SYNPR: variants seen among roughly 807,000 people sequenced by gnomAD.
SYNPR encodes the protein synaptoporin.
In SYNPR, 23 loss-of-function variants were observed where a neutral mutation model predicts 32.9. That is an observed-to-expected ratio of 0.70 (90% CI 0.50 to 0.99). The LOEUF (loss-of-function observed/expected upper bound fraction) is 0.99. SYNPR is among the 50% of genes least tolerant of loss of function. The pLI, the probability that SYNPR is intolerant of heterozygous loss-of-function variation, is 0.00. For missense variants in SYNPR, 318 were observed against 349.3 expected (o/e 0.91, Z 0.71); for synonymous variants, 146 against 135.9 (o/e 1.07, Z -0.52).
intron 3 of SYNPR, among the ~76,000 whole-genome samples, chr3:63,524,489 T>C (rs1219287272): frequency 2.0e-5 from 3 of 152,230 alleles, no homozygotes; most frequent in Middle Eastern, 3.4e-3. Flanking sequence ...TTTTAAACAA[T>C]TGGCCACACA....
At chr3:63,200,834 C>T in the SYNPR span, among the ~76,000 whole-genome samples, 1 of 152,108 alleles carries the variant, frequency 6.6e-6, no homozygotes, top group Non-Finnish European at 1.5e-5. Context: ...AAAGATTTAT[C>T]TCTTTTCTGA....
intron 2 of SYNPR, among the ~76,000 whole-genome samples, chr3:63,365,479 G>C (rs1229220763): frequency 6.6e-6 from 1 of 152,106 alleles, no homozygotes; most frequent in African/African-American, 2.4e-5. Context: ...ATAGAGGTTC[G>C]CATAAGAAGT....
intron 2 of SYNPR, among the ~76,000 whole-genome samples, chr3:63,349,264 G>A (rs1286356141): frequency 2.6e-5 from 4 of 152,070 alleles, no homozygotes; most frequent in South Asian, 2.1e-4. Context: ...CACCACGCCC[G>A]GCTAATTTTT....
chr3:63,506,934 A>T (rs911374834), intron 3 of SYNPR, among the ~76,000 whole-genome samples: 2 of 152,174 alleles, frequency 1.3e-5, no homozygotes, highest in Non-Finnish European at 2.9e-5. Flanking sequence ...GTGCCATGCA[A>T]GTAGCATAAA....
At chr3:63,606,796 C>G (rs1700129604) in intron 4 of SYNPR, among the ~76,000 whole-genome samples, 1 of 152,106 alleles carries the variant, frequency 6.6e-6, no homozygotes, top group Non-Finnish European at 1.5e-5. Flanking sequence ...GGCTTAGAAT[C>G]CTTGCTCCTC....
chr3:63,372,107 A>T (rs545531184), intron 2 of SYNPR, among the ~76,000 whole-genome samples: 1 of 152,156 alleles, frequency 6.6e-6, no homozygotes, highest in African/African-American at 2.4e-5. Context: ...GGGATCTTAG[A>T]GTGACCAACA....
At chr3:63,519,891 A>T (rs1384738230) in intron 3 of SYNPR, among the ~76,000 whole-genome samples, 1 of 152,090 alleles carries the variant, frequency 6.6e-6, no homozygotes, top group Non-Finnish European at 1.5e-5. Context: ...AGTATAAATT[A>T]TCATAATTCA....
chr3:63,400,977 A>G (rs1430361656), intron 2 of SYNPR, among the ~76,000 whole-genome samples: 2 of 152,204 alleles, frequency 1.3e-5, no homozygotes, highest in East Asian at 3.9e-4. Context: ...CAAAATTGGC[A>G]CAAAAGCAAC....
chr3:63,523,291 C>G (rs528338353), intron 3 of SYNPR, among the ~76,000 whole-genome samples: 1 of 152,098 alleles, frequency 6.6e-6, no homozygotes, highest in Non-Finnish European at 1.5e-5. Flanking sequence ...CCACCTTGCA[C>G]TATGGTGTGG....
intron 2 of SYNPR, among the ~76,000 whole-genome samples, chr3:63,434,441 T>C (rs1700044330): frequency 6.6e-6 from 1 of 152,216 alleles, no homozygotes; most frequent in Admixed American, 6.5e-5. Flanking sequence ...GAGAGTCTCA[T>C]CAATACACTC....
At chr3:63,317,303 G>GT (rs1216219554) in intron 2 of SYNPR, among the ~76,000 whole-genome samples, 6 of 151,716 alleles carry the variant, frequency 4.0e-5, no homozygotes, top group Non-Finnish European at 7.4e-5. Flanking sequence ...TTTCCATTTT[G>GT]TTGACCTGTC....
At chr3:63,271,573 T>A (rs551465082) in intron 3 of SYNPR, among the ~76,000 whole-genome samples, 1 of 152,248 alleles carries the variant, frequency 6.6e-6, no homozygotes, top group East Asian at 1.9e-4. Flanking sequence ...TATGGTAGAA[T>A]CCATTGATCT....
intron 2 of SYNPR, among the ~76,000 whole-genome samples, chr3:63,323,679 G>A (rs913911627): frequency 1.1e-4 from 16 of 151,944 alleles, no homozygotes; most frequent in Non-Finnish European, 1.9e-4. Context: ...GGTTTATAGG[G>A]TGGTTCTAGA....
chr3:63,464,515 A>C (rs1010770641), intron 2 of SYNPR, among the ~76,000 whole-genome samples: 2 of 152,128 alleles, frequency 1.3e-5, no homozygotes, highest in African/African-American at 4.8e-5. Flanking sequence ...CTTTACTAAG[A>C]ATAAGATCCT....
chr3:63,614,533 T>G (rs962582931), intron 5 of SYNPR, among the ~76,000 whole-genome samples: 1 of 152,232 alleles, frequency 6.6e-6, no homozygotes, highest in Non-Finnish European at 1.5e-5. Flanking sequence ...ATTCACAGTC[T>G]GGTTTCAACA....
intron 4 of SYNPR, among the ~76,000 whole-genome samples, chr3:63,572,815 T>C (rs1702912421): frequency 6.6e-6 from 1 of 152,158 alleles, no homozygotes; most frequent in African/African-American, 2.4e-5. Flanking sequence ...TTATGCATAT[T>C]CACTTTATGA....
rs557497368 is a variant in SYNPR, at chr3:63,486,831, T to C, written c.209+5875T>C. ...CTGGTGGTTTTCAGTTCAGGTCTTATACAAAGAATCTTAGTATATATGGGA... is the reference window on the plus strand; with the variant it reads ...CTGGTGGTTTTCAGTTCAGGTCTTACACAAAGAATCTTAGTATATATGGGA... On this transcript the variant is annotated intron_variant, in intron 3 of 5. Transcript: ENST00000478300. 4.6e-4 allele frequency among the ~76,000 whole-genome samples: 70 copies of C among 152,298 alleles called. No individual in the cohort carries two copies. In the South Asian group the frequency reaches 6.6e-3, roughly 14 times the overall value.
Position 63,609,282 on chromosome 3 carries a change from A to G in SYNPR, c.566A>G (p.His189Arg), listed in dbSNP as rs1429104095. ...KQPSNKCMAI[H>R]SPVMSSLNTS... ...CCATCCAACAAATGCATGGCTATCCACAGCCCTGTTATGTCAAGCTTAAAC... is the reference window on the plus strand; with the variant it reads ...CCATCCAACAAATGCATGGCTATCCGCAGCCCTGTTATGTCAAGCTTAAAC... Residue 189 changes from histidine to arginine, a missense_variant, in exon 5 of 6, where the codon CAC (histidine) becomes CGC (arginine). Physicochemically the swap from His to Arg is conservative, Grantham distance 29. Coordinates refer to ENST00000478300, the MANE Select transcript of SYNPR (RefSeq NM_001130003.2). The G allele has an allele frequency of 5.6e-6, 9 of 1,599,580 alleles. No homozygotes were observed. The highest frequency in any genetic ancestry group is 7.7e-6 in the Non-Finnish European group (9 of 1,172,448).
intron 4 of SYNPR, among the ~76,000 whole-genome samples, chr3:63,577,184 A>G (rs1202903128): frequency 6.6e-6 from 1 of 152,236 alleles, no homozygotes; most frequent in Non-Finnish European, 1.5e-5. Context: ...AGGGAGCAGC[A>G]TGTGGCTGGG....
Sources: gnomAD v4.1 joint callset for allele counts (sites outside exome capture counted in the v4.1 genomes callset) on GRCh38, gnomAD v4.1.1 for gene constraint, MANE v1.5 for transcripts, NCBI Gene and HGNC (gene_info 2026-07-23, HGNC 2026-07-21) for gene names.